The following CREB3L1 variants were observed in gnomAD, a reference collection of about 807,000 sequenced individuals.
CREB3L1 encodes the protein cyclic AMP-responsive element-binding protein 3-like protein 1.
A neutral mutation model predicts 54.5 loss-of-function variants in CREB3L1; 33 were observed. That is an observed-to-expected ratio of 0.61 (90% CI 0.46 to 0.81). CREB3L1 has a LOEUF of 0.81. Among genes scored for constraint, CREB3L1 ranks in the 30% least tolerant of loss-of-function variants. The pLI, the probability that CREB3L1 is intolerant of heterozygous loss-of-function variation, is 0.00. For missense variants in CREB3L1, 656 were observed against 673.3 expected (o/e 0.97, Z 0.29); for synonymous variants, 284 against 286.4 (o/e 0.99, Z 0.08).
chr11:46,288,449 T>G (rs1939087301), intron 1 of CREB3L1, among the ~76,000 whole-genome samples: 1 of 152,266 alleles, frequency 6.6e-6, no homozygotes, highest in Non-Finnish European at 1.5e-5. Flanking sequence ...TTTTGATTGT[T>G]GCTGTCATTG....
intron 1 of CREB3L1, among the ~76,000 whole-genome samples, chr11:46,280,059 G>T (rs1938944182): frequency 6.6e-6 from 1 of 152,194 alleles, no homozygotes; most frequent in Non-Finnish European, 1.5e-5. Context: ...AAGATGGGGT[G>T]CCTAAGGAAA....
intron 10 of CREB3L1, among the ~76,000 whole-genome samples, chr11:46,318,968 G>A (rs1939607444): frequency 6.6e-6 from 1 of 152,172 alleles, no homozygotes; most frequent in Non-Finnish European, 1.5e-5. Flanking sequence ...AGGAGAGAAC[G>A]GGGTGGTCAC....
At position 46,278,154 on chromosome 11, in the gene CREB3L1, C is replaced by G; in HGVS notation, c.43C>G (p.Pro15Ala). The change falls in exon 1 of 12, where the codon CCC (proline) becomes GCC (alanine). Residue 15 changes from proline to alanine, a missense_variant. Pro to Ala is a conservative substitution (Grantham distance 27). Transcript: ENST00000621158. This position sits in a 1 kb window ranked among gnomAD's most constrained non-coding sequence, Gnocchi z 4.2. ...ACCCTTCCCGGCCGACAGGCTGTTC[C>G]CCGGATCCAGCTTCCTGGACTTGGG... is the stretch of plus-strand genomic sequence containing the variant. ...LEPFPADRLF[P>A]GSSFLDLGDL... is the part of the protein sequence containing the mutation. 1 of 1,573,212 alleles carries G rather than the reference C, an allele frequency of 6.4e-7. No individual in the cohort carries two copies. The highest frequency in any genetic ancestry group is 8.6e-7 in the Non-Finnish European group (1 of 1,159,402).
intron 2 of CREB3L1, among the ~76,000 whole-genome samples, chr11:46,304,078 T>C (rs1284513613): frequency 6.6e-6 from 1 of 152,190 alleles, no homozygotes; most frequent in Non-Finnish European, 1.5e-5. Context: ...TATTCCTCTT[T>C]CCCTCTAAAG....
chr11:46,302,155 G>A lies in CREB3L1; in HGVS notation c.331+1992G>A, dbSNP rs183471243. The stretch of plus-strand genomic sequence containing the variant: ...TGCATTCCAGCCTGGGCAACAGAGC[G>A]AGGCTCCGTCTCAAATAATAATAAT... On this transcript the variant is annotated intron_variant, in intron 2 of 11. Transcript: ENST00000621158. Among the ~76,000 whole-genome samples the A allele has an allele frequency of 5.4e-3, 781 of 144,518 alleles. 6 individuals are homozygous for A. Among genetic ancestry groups the A allele is most frequent in the Middle Eastern group, 0.011 (3 of 282 alleles). 94.8% of individuals were successfully genotyped at this position (144,518 alleles called of 152,430 possible).
rs1939186076 is a variant in CREB3L1, at chr11:46,295,033, C to G, written c.103-4902C>G. ...CGCTCTGGTCTCCTCCCTCCTTTCC[C>G]CAAGCACAGACTGAACCAGCCTGGG... On this transcript the variant is annotated intron_variant, in intron 1 of 11. Coordinates refer to ENST00000621158, the MANE Select transcript of CREB3L1 (RefSeq NM_052854.4). The surrounding 1 kb of genome is among the most constrained non-coding windows in gnomAD (Gnocchi z 4.6). 1 of 152,358 alleles carries G rather than the reference C, an allele frequency of 6.6e-6. No individual in the cohort carries two copies. The highest frequency in any genetic ancestry group is 6.6e-5 in the Admixed American group (1 of 15,266). The allele number at this position is 152,358 out of a possible 1,614,324, so 9.4% of individuals were successfully genotyped here.
chr11:46,281,152 C>G (rs1938965289), intron 1 of CREB3L1, among the ~76,000 whole-genome samples: 1 of 152,172 alleles, frequency 6.6e-6, no homozygotes, highest in Non-Finnish European at 1.5e-5. Context: ...CTCAGAGATC[C>G]TCAGAAGGGG....
At chr11:46,310,967 A>G in intron 4 of CREB3L1, 65 bp from the exon 5 acceptor site, 1 of 1,495,632 alleles carries the variant, frequency 6.7e-7, no homozygotes, top group South Asian at 1.3e-5. Context: ...GCTCAGCTGA[A>G]CTCATGATGT....
chr11:46,310,168 C>T, intron 4 of CREB3L1, 101 bp downstream of exon 4: 2 of 839,752 alleles, frequency 2.4e-6, no homozygotes, highest in South Asian at 1.5e-5. Context: ...GACAACCTTC[C>T]CCCACCCAGA....
At chr11:46,311,714 T>C (rs1476436592) in intron 5 of CREB3L1, among the ~76,000 whole-genome samples, 1 of 152,194 alleles carries the variant, frequency 6.6e-6, no homozygotes, top group Non-Finnish European at 1.5e-5. Flanking sequence ...GCCAAGCTGG[T>C]CTCAATCTCT....
chr11:46,307,936 C>T lies in CREB3L1; in HGVS notation c.452C>T (p.Ala151Val), dbSNP rs1281558843. 1 of 1,563,744 alleles carries T rather than the reference C, an allele frequency of 6.4e-7. No homozygotes were observed. Among genetic ancestry groups the T allele is most frequent in the Non-Finnish European group, 8.6e-7 (1 of 1,156,784 alleles). ...LAAPSAMAAAAAMATTPLLGL... is the reference protein window; with the variant it reads ...LAAPSAMAAAVAMATTPLLGL... ...GCCCCCTCGGCCATGGCTGCCGCGG[C>T]CGCCATGGCCACCACCCCGCTGCTG... is the stretch of plus-strand genomic sequence containing the variant. The change falls in exon 3 of 12, where the codon GCC becomes GTC. Residue 151 changes from alanine (A) to valine (V), a missense_variant. By Grantham distance (64) the Ala-to-Val change is moderately conservative (BLOSUM62 0). Transcript: ENST00000621158.
Position 46,320,822 on chromosome 11 carries a change from G to T in CREB3L1, c.*76G>T, listed in dbSNP as rs758992822. 2 of 1,483,998 alleles carry T rather than the reference G, an allele frequency of 1.3e-6. No individual in the cohort carries two copies. Among genetic ancestry groups the T allele is most frequent in the Non-Finnish European group, 1.9e-6 (2 of 1,079,210 alleles). The allele number at this position is 1,483,998 out of a possible 1,614,324, so 91.9% of individuals were successfully genotyped here. A position where few individuals can be genotyped will look rare whatever the true frequency, so the allele number is the denominator to read the frequency against. On this transcript the variant is annotated 3_prime_UTR_variant, in exon 12 of 12. Transcript: ENST00000621158. ...AGTTCTTGCTCACTAACCCGGATCC[G>T]CCTCGTGCCCCTGCCTCCTGGAGCT...
intron 1 of CREB3L1, among the ~76,000 whole-genome samples, chr11:46,284,994 T>A (rs1939035660): frequency 6.6e-6 from 1 of 152,142 alleles, no homozygotes. Context: ...CCCTATCAGA[T>A]TCACCCCCAG....
At chr11:46,293,955 G>T (rs539683118) in intron 1 of CREB3L1, among the ~76,000 whole-genome samples, 1 of 152,312 alleles carries the variant, frequency 6.6e-6, no homozygotes, top group South Asian at 2.1e-4. Flanking sequence ...GACAGCGTCA[G>T]CCTATGTGAC....
chr11:46,319,878 C>CAAA (rs75400988), intron 10 of CREB3L1, among the ~76,000 whole-genome samples: 1 of 122,788 alleles, frequency 8.1e-6, no homozygotes, highest in South Asian at 2.6e-4. Flanking sequence ...GACTCTGTCT[C>CAAA]AAAAAAAAAA....
Position 46,316,365 on chromosome 11 carries a change from C to A in CREB3L1, c.1111C>A (p.Gln371Lys). The change falls in exon 9 of 12, where the codon CAG becomes AAG. Residue 371 changes from glutamine (Q) to lysine (K), a missense_variant. By Grantham distance (53) the Gln-to-Lys change is moderately conservative. Transcript: ENST00000621158. ...ISRPYKMAAT[Q>K]TGTCLMVAAL... is the part of the protein sequence containing the mutation. ...CAGACCTTACAAGATGGCCGCCACCCAGACTGGGACCTGCCTCATGGTAGG... is the reference window on the plus strand; with the variant it reads ...CAGACCTTACAAGATGGCCGCCACCAAGACTGGGACCTGCCTCATGGTAGG... 6.4e-7 allele frequency: 1 copy of A among 1,568,538 alleles called. No homozygotes were observed.
chr11:46,281,013 G>T (rs753813312), intron 1 of CREB3L1, among the ~76,000 whole-genome samples: 1 of 152,188 alleles, frequency 6.6e-6, no homozygotes, highest in South Asian at 2.1e-4. Context: ...CAAGAAATAC[G>T]CATGCACTTG....
At chr11:46,284,031 C>A (rs183829582) in intron 1 of CREB3L1, among the ~76,000 whole-genome samples, 1 of 152,174 alleles carries the variant, frequency 6.6e-6, no homozygotes, top group African/African-American at 2.4e-5. Context: ...GAGGTCCCTC[C>A]GGCTTCCCTG....
intron 2 of CREB3L1, 41 bp from the exon 3 acceptor site, chr11:46,307,775 C>A: frequency 6.8e-7 from 1 of 1,472,520 alleles, no homozygotes; most frequent in African/African-American, 1.4e-5. Flanking sequence ...GGGGCTGAGA[C>A]CTCTGCCCTA....
Sources: allele counts gnomAD v4.1 joint callset (sites outside exome capture counted in the v4.1 genomes callset), GRCh38; gene constraint gnomAD v4.1.1; non-coding constraint Gnocchi (gnomAD v3.1); transcripts MANE v1.5; gene names NCBI Gene and HGNC (gene_info 2026-07-23, HGNC 2026-07-21).